Variants in WFS1 observed in about 807,000 individuals in gnomAD.
WFS1 encodes wolframin ER transmembrane glycoprotein, also known as wolframin.
A neutral mutation model predicts 68.5 loss-of-function variants in WFS1; 90 were observed. The ratio of observed to expected loss-of-function variants is 1.31; its 90% CI spans 1.11 to 1.56. WFS1 has a LOEUF of 1.56. WFS1 is among the 40% of genes most tolerant of loss of function. The pLI is 0.00. For missense variants in WFS1, 1,767 were observed against 1,232.6 expected (o/e 1.43, Z -6.49); for synonymous variants, 860 against 540.7 (o/e 1.59, Z -8.19).
At position 6,289,159 on chromosome 4, in the gene WFS1, C is replaced by T. The variant is rs7688426; in HGVS notation, c.460+28C>T. On this transcript the variant is annotated intron_variant, in intron 4 of 7. Transcript: ENST00000226760. ...GGGTCTGTGTGAGGCTTAGAACAGC[C>T]TCTGGAGGGTTGAGCAGCTTGTAAT... The T allele has an allele frequency of 1.5e-3, 2,289 of 1,557,358 alleles. 39 individuals are homozygous for T. In the African/African-American group the frequency reaches 0.027, roughly 19 times the overall value.
At chr4:6,291,090 T>C in intron 4 of WFS1, 107 bp from the exon 5 acceptor site, 1 of 1,297,706 alleles carries the variant, frequency 7.7e-7, no homozygotes, top group Non-Finnish European at 1.1e-6. Context: ...CCTGACACCT[T>C]CTATGAGTCT....
At chr4:6,289,765 G>GA (rs1419191575) in intron 4 of WFS1, among the ~76,000 whole-genome samples, 1 of 152,246 alleles carries the variant, frequency 6.6e-6, no homozygotes, top group Non-Finnish European at 1.5e-5. Flanking sequence ...AGGGAAAGAT[G>GA]AAAGTGGGTG....
At position 6,300,875 on chromosome 4, in the gene WFS1, C is replaced by T. The variant is rs771284690; in HGVS notation, c.1080C>T (p.Cys360=). The change falls in exon 8 of 8, where the codon TGC becomes TGT. Residue 360 remains cysteine (C), a synonymous_variant. Transcript: ENST00000226760. ...TGTCCTTCATCTCCATGGTGATCTG[C>T]ACCCTCAAGGTGTTCCAGGACAGCA... The part of the protein sequence containing the change: ...FYLSFISMVI[C]TLKVFQDSKA... The T allele has an allele frequency of 8.7e-6, 14 of 1,614,142 alleles. No individual in the cohort carries two copies. The highest frequency in any genetic ancestry group is 1.6e-4 in the Middle Eastern group (1 of 6,062).
rs1309374735 is a variant in WFS1, at chr4:6,291,464, G to A, written c.631+97G>A. 20 of 1,499,032 alleles carry A rather than the reference G, an allele frequency of 1.3e-5. 1 individual carries two copies. The East Asian group carries it at 4.6e-4, about 35-fold the overall frequency. 92.9% of individuals were successfully genotyped at this position (1,499,032 alleles called of 1,614,324 possible). A position where few individuals can be genotyped will look rare whatever the true frequency, so the allele number is the denominator to read the frequency against. On this transcript the variant is annotated intron_variant, in intron 5 of 7. Transcript: ENST00000226760. ...TAGGGGCTGGGACCTTCCCTCAGGG[G>A]CTGGGTCTTCCCACAGGAGCCGGGA... is the stretch of plus-strand genomic sequence containing the variant.
chr4:6,293,506 C>T (rs755057256), intron 6 of WFS1, among the ~76,000 whole-genome samples: 3 of 136,798 alleles, frequency 2.2e-5, no homozygotes, highest in Non-Finnish European at 3.1e-5. Context: ...TCCACCAAAG[C>T]GGCTCGTCTA....
chr4:6,295,310 C>A, intron 7 of WFS1, 121 bp downstream of exon 7: 1 of 1,213,490 alleles, frequency 8.2e-7, no homozygotes, highest in Non-Finnish European at 1.2e-6. Flanking sequence ...GAGTGTCTTA[C>A]AGCCGTGCCG....
chr4:6,282,619 C>T (rs1156860976), intron 2 of WFS1, among the ~76,000 whole-genome samples: 1 of 152,176 alleles, frequency 6.6e-6, no homozygotes, highest in African/African-American at 2.4e-5. Flanking sequence ...CTGGATGCAT[C>T]AGTAATATGA....
chr4:6,281,322 G>C (rs1446553517), intron 2 of WFS1, among the ~76,000 whole-genome samples: 1 of 152,208 alleles, frequency 6.6e-6, no homozygotes, highest in East Asian at 1.9e-4. Context: ...GCCCAGTGGG[G>C]GGCACCCAAG....
intron 7 of WFS1, among the ~76,000 whole-genome samples, chr4:6,296,173 C>T (rs894467949): frequency 1.3e-5 from 2 of 152,208 alleles, no homozygotes; most frequent in African/African-American, 4.8e-5. Flanking sequence ...TGAAAGGTCA[C>T]CGTCCTCGAG....
chr4:6,298,916 A>T (rs994042312), intron 7 of WFS1, among the ~76,000 whole-genome samples: 1 of 152,194 alleles, frequency 6.6e-6, no homozygotes, highest in African/African-American at 2.4e-5. Flanking sequence ...CCCGGAGCTG[A>T]TGGGGGGCTC....
intron 3 of WFS1, 70 bp from the exon 4 acceptor site, chr4:6,288,917 T>G (rs1404091610): frequency 6.4e-7 from 1 of 1,570,242 alleles, no homozygotes; most frequent in African/African-American, 1.4e-5. Context: ...TGAAAGGAGG[T>G]GGGCTGGCAG....
Position 6,282,092 on chromosome 4 carries a change from G to A in WFS1, c.232+4405G>A, listed in dbSNP as rs191623331. Among the ~76,000 whole-genome samples, 826 of 152,304 alleles carry A rather than the reference G, an allele frequency of 5.4e-3. 2 individuals are homozygous for A. The highest frequency in any genetic ancestry group is 0.012 in the Admixed American group (176 of 15,304). ...TCCTGCCTGTCAGTTTGGTGCCCTC[G>A]GCTACGCAGGGCCTGTTAGAAGGGT... On this transcript the variant is annotated intron_variant, in intron 2 of 7. Transcript: ENST00000226760.
At chr4:6,275,551 G>T (rs1290993104) in intron 1 of WFS1, among the ~76,000 whole-genome samples, 1 of 140,264 alleles carries the variant, frequency 7.1e-6, no homozygotes, top group Non-Finnish European at 1.5e-5. Flanking sequence ...GCACCCGGGG[G>T]TGCTTGACCA....
rs1474119155 is a variant in WFS1 at position 6,302,643 on chromosome 4, T to G, written c.*175T>G. On this transcript the variant is annotated 3_prime_UTR_variant, in exon 8 of 8. Coordinates refer to ENST00000226760, the MANE Select transcript of WFS1 (RefSeq NM_006005.3). ...TGGACCCCGACAAAGGGAAGGCTGC[T>G]GTGTAGCTCTGTCCACTCTGAATAC... The G allele has an allele frequency of 1.4e-5, 12 of 862,302 alleles. No individual in the cohort carries two copies. The highest frequency in any genetic ancestry group is 2.7e-5 in the East Asian group (1 of 37,378). 53.4% of individuals were successfully genotyped at this position (862,302 alleles called of 1,614,324 possible). A position where few individuals can be genotyped will look rare whatever the true frequency, so the allele number is the denominator to read the frequency against.
chr4:6,292,146 C>A, intron 6 of WFS1, 149 bp downstream of exon 6: 1 of 821,804 alleles, frequency 1.2e-6, no homozygotes. Context: ...CCTTCCTGTG[C>A]GACCCCATCC....
At chr4:6,291,654 C>T (rs754715720) in intron 5 of WFS1, among the ~76,000 whole-genome samples, 1 of 152,226 alleles carries the variant, frequency 6.6e-6, no homozygotes, top group African/African-American at 2.4e-5. Context: ...CTGCCCAGTG[C>T]TCTGTGACCA....
intron 2 of WFS1, among the ~76,000 whole-genome samples, 200 bp from the exon 3 acceptor site, chr4:6,286,893 C>A (rs117945828): frequency 6.6e-6 from 1 of 152,178 alleles, no homozygotes; most frequent in African/African-American, 2.4e-5. Flanking sequence ...CTTGCTCTGG[C>A]GCTGCTTGTG....
intron 4 of WFS1, among the ~76,000 whole-genome samples, chr4:6,290,604 C>T (rs1369790075): frequency 6.6e-6 from 1 of 152,252 alleles, no homozygotes; most frequent in Non-Finnish European, 1.5e-5. Context: ...TCCAGACCCC[C>T]GTGCCAGTCC....
rs760938537 is a variant in WFS1 at position 6,301,856 on chromosome 4, G to C, written c.2061G>C (p.Gln687His). 3.7e-6 allele frequency: 6 copies of C among 1,612,932 alleles called. No individual in the cohort carries two copies. Among genetic ancestry groups the C allele is most frequent in the Admixed American group, 3.3e-5 (2 of 60,014 alleles). ...AWKETNMARTQILCSHLEGHR... is the reference protein window; with the variant it reads ...AWKETNMARTHILCSHLEGHR... ...AGGAGACCAACATGGCGCGCACCCA[G>C]ATCCTCTGCAGCCACCTGGAGGGCC... is the stretch of plus-strand genomic sequence containing the variant. The change falls in exon 8 of 8, where the codon CAG becomes CAC. Residue 687 changes from glutamine to histidine, a missense_variant. By Grantham distance (24) the Gln-to-His change is conservative (BLOSUM62 0). Coordinates refer to ENST00000226760, the MANE Select transcript of WFS1 (RefSeq NM_006005.3).
Sources: allele counts gnomAD v4.1 joint callset (sites outside exome capture counted in the v4.1 genomes callset), GRCh38; gene constraint gnomAD v4.1.1; transcripts MANE v1.5; gene names NCBI Gene and HGNC (gene_info 2026-07-23, HGNC 2026-07-21).